The following DPP6 variants were observed in gnomAD, a reference collection of about 807,000 sequenced individuals.
DPP6 encodes dipeptidyl peptidase like 6, also known as A-type potassium channel modulatory protein DPP6.
DPP6 carries 69 observed loss-of-function variants against 122.6 expected under a neutral mutation model. That is an observed-to-expected ratio of 0.56 (90% CI 0.46 to 0.69). The LOEUF is 0.69. DPP6 is among the 30% of genes least tolerant of loss of function. The probability of loss-of-function intolerance (pLI) is 0.00; values close to 1 mark genes in which losing one functional copy is unlikely to be tolerated. For missense variants in DPP6, 928 were observed against 1,116.9 expected (o/e 0.83, Z 2.41); for synonymous variants, 418 against 433.1 (o/e 0.97, Z 0.43).
intron 1 of DPP6, among the ~76,000 whole-genome samples, chr7:154,312,885 T>C (rs1210808640): frequency 1.3e-5 from 2 of 152,194 alleles, no homozygotes; most frequent in African/African-American, 4.8e-5. Context: ...TTGGAAATAA[T>C]ATGTGACAGA....
the DPP6 span, among the ~76,000 whole-genome samples, chr7:153,765,565 A>G: frequency 1.3e-5 from 2 of 151,392 alleles, no homozygotes; most frequent in Non-Finnish European, 2.9e-5. Context: ...AAAAAAACAG[A>G]AAAAAACACC....
intron 25 of DPP6, chr7:154,890,985 T>C (rs1563334057): frequency 6.6e-6 from 1 of 152,224 alleles, no homozygotes; most frequent in African/African-American, 2.4e-5. Flanking sequence ...CCCTGCACTT[T>C]GGGAGGCTGA....
intron 8 of DPP6, among the ~76,000 whole-genome samples, chr7:154,728,267 G>A (rs1237145024): frequency 6.6e-6 from 1 of 152,220 alleles, no homozygotes; most frequent in African/African-American, 2.4e-5. Context: ...CCCACTCCAA[G>A]ACATAAGTGC....
intron 1 of DPP6, among the ~76,000 whole-genome samples, chr7:154,172,613 T>TC (rs968933343): frequency 6.8e-6 from 1 of 147,784 alleles, no homozygotes; most frequent in African/African-American, 2.6e-5. Flanking sequence ...TTCTTTTTTT[T>TC]TTTTTTTGAG....
chr7:154,200,730 A>G (rs1201998524), intron 1 of DPP6, among the ~76,000 whole-genome samples: 1 of 152,182 alleles, frequency 6.6e-6, no homozygotes, highest in Non-Finnish European at 1.5e-5. Flanking sequence ...TGAATGATTA[A>G]AAGAAAACCA....
At chr7:154,260,664 C>T (rs944798698) in intron 1 of DPP6, among the ~76,000 whole-genome samples, 10 of 145,646 alleles carry the variant, frequency 6.9e-5, no homozygotes, top group East Asian at 3.9e-4. Flanking sequence ...AGTATTCCTT[C>T]GTATATATAT....
intron 1 of DPP6, among the ~76,000 whole-genome samples, chr7:154,054,552 C>G (rs1034947849): frequency 1.3e-5 from 2 of 152,214 alleles, no homozygotes; most frequent in Non-Finnish European, 2.9e-5. Flanking sequence ...TCTCCTGCAT[C>G]GTTTCCAGAC....
At chr7:154,376,210 G>A (rs1813118041) in intron 1 of DPP6, among the ~76,000 whole-genome samples, 2 of 152,234 alleles carry the variant, frequency 1.3e-5, no homozygotes, top group African/African-American at 2.4e-5. Context: ...CTGAGGACCT[G>A]AGCAGATGGT....
At chr7:154,341,861 C>G (rs1809964723) in intron 1 of DPP6, among the ~76,000 whole-genome samples, 1 of 152,070 alleles carries the variant, frequency 6.6e-6, no homozygotes, top group African/African-American at 2.4e-5. Context: ...AAAGGCAATA[C>G]ATTTAGAACC....
At chr7:153,955,677 G>T (rs1469559959) in intron 1 of DPP6, among the ~76,000 whole-genome samples, 3 of 152,094 alleles carry the variant, frequency 2.0e-5, no homozygotes, top group Non-Finnish European at 1.5e-5. Context: ...GAGCTCAGGC[G>T]ATCCACCCAC....
intron 1 of DPP6, among the ~76,000 whole-genome samples, chr7:154,304,865 C>G (rs1806151638): frequency 6.6e-6 from 1 of 152,210 alleles, no homozygotes; most frequent in Admixed American, 6.5e-5. Context: ...GCCACCTCTG[C>G]CCCCTGTCCA....
At chr7:153,822,145 A>G in the DPP6 span, among the ~76,000 whole-genome samples, 3 of 141,296 alleles carry the variant, frequency 2.1e-5, no homozygotes, top group East Asian at 2.2e-4. Flanking sequence ...TCTGTAGGTG[A>G]GCTGCTCGCA....
At chr7:154,852,975 A>G (rs902235677) in intron 16 of DPP6, among the ~76,000 whole-genome samples, 1 of 152,238 alleles carries the variant, frequency 6.6e-6, no homozygotes, top group Non-Finnish European at 1.5e-5. Context: ...CAAGCCTGAC[A>G]TGCCTCCAGC....
intron 1 of DPP6, among the ~76,000 whole-genome samples, chr7:154,146,601 A>G (rs1292563263): frequency 2.6e-5 from 4 of 152,196 alleles, no homozygotes; most frequent in African/African-American, 4.8e-5. Context: ...CTGGAGGGCA[A>G]TTGTCTGGCT....
chr7:153,905,164 G>C (rs1489315891), intron 1 of DPP6, among the ~76,000 whole-genome samples: 4 of 152,218 alleles, frequency 2.6e-5, no homozygotes, highest in Non-Finnish European at 2.9e-5. Flanking sequence ...AGGCAGGTCA[G>C]GTGATTTCGT....
At chr7:153,805,360 AGTT>A in the DPP6 span, among the ~76,000 whole-genome samples, 3 of 152,170 alleles carry the variant, frequency 2.0e-5, no homozygotes, top group African/African-American at 7.2e-5. Context: ...AAATAATAGC[AGTT>A]GTTGTTGTTG....
chr7:154,592,331 T>C (rs1832850772), intron 5 of DPP6, among the ~76,000 whole-genome samples: 1 of 152,200 alleles, frequency 6.6e-6, no homozygotes. Context: ...ATTACCAAAC[T>C]AATGCCATGA....
chr7:154,599,588 T>A (rs1006577761), intron 5 of DPP6, among the ~76,000 whole-genome samples: 1 of 151,896 alleles, frequency 6.6e-6, no homozygotes, highest in Non-Finnish European at 1.5e-5. Context: ...GTATACATGT[T>A]ACATATGTAT....
chr7:154,641,499 A>G (rs900944818), intron 6 of DPP6, among the ~76,000 whole-genome samples: 5 of 152,158 alleles, frequency 3.3e-5, no homozygotes, highest in Admixed American at 6.5e-5. Flanking sequence ...AGACTTGGCT[A>G]CTGCATGACA....
Sources: allele counts gnomAD v4.1 joint callset (sites outside exome capture counted in the v4.1 genomes callset), GRCh38; gene constraint gnomAD v4.1.1; transcripts MANE v1.5; gene names NCBI Gene and HGNC (gene_info 2026-07-23, HGNC 2026-07-21).